The following EXOC6B variants were observed in gnomAD, a reference collection of about 807,000 sequenced individuals.
EXOC6B encodes exocyst complex component 6B, also known as SEC15 homolog B.
A neutral mutation model predicts 113.5 loss-of-function variants in EXOC6B; 54 were observed. The ratio of observed to expected loss-of-function variants is 0.48; its 90% CI spans 0.38 to 0.60. EXOC6B has a LOEUF of 0.60. Ranked by LOEUF, EXOC6B falls within the 20% of genes least tolerant of loss-of-function variation. The probability of loss-of-function intolerance (pLI) is 0.00; values close to 1 mark genes in which losing one functional copy is unlikely to be tolerated. For missense variants in EXOC6B, 797 were observed against 977.5 expected (o/e 0.82, Z 2.46); for synonymous variants, 357 against 339.0 (o/e 1.05, Z -0.58).
At chr2:72,444,894 C>T (rs1327706562) in intron 18 of EXOC6B, among the ~76,000 whole-genome samples, 1 of 152,186 alleles carries the variant, frequency 6.6e-6, no homozygotes, top group Non-Finnish European at 1.5e-5. Context: ...AGACATTTTT[C>T]CCATTGTCTT....
chr2:72,538,205 C>G (rs1384316918), intron 8 of EXOC6B, among the ~76,000 whole-genome samples: 1 of 152,088 alleles, frequency 6.6e-6, no homozygotes, highest in Non-Finnish European at 1.5e-5. Flanking sequence ...TCAAGCAAGC[C>G]TCCTGCCTTT....
intron 19 of EXOC6B, among the ~76,000 whole-genome samples, chr2:72,360,375 A>T (rs1690236313): frequency 2.6e-5 from 4 of 152,198 alleles, no homozygotes; most frequent in Admixed American, 2.6e-4. Context: ...GGCATGAGCC[A>T]CTGCACCTGG....
chr2:72,392,687 A>G (rs1014102106), intron 18 of EXOC6B, among the ~76,000 whole-genome samples: 13 of 152,204 alleles, frequency 8.5e-5, no homozygotes, highest in Non-Finnish European at 7.3e-5. Context: ...GAGAGACTAG[A>G]TTATCTTATC....
chr2:72,403,204 T>C (rs1693466186), intron 18 of EXOC6B, among the ~76,000 whole-genome samples: 1 of 152,230 alleles, frequency 6.6e-6, no homozygotes, highest in South Asian at 2.1e-4. Flanking sequence ...TTAGACAGTC[T>C]ATTGTATGTC....
intron 18 of EXOC6B, among the ~76,000 whole-genome samples, chr2:72,418,175 T>C (rs936685238): frequency 6.6e-6 from 1 of 152,220 alleles, no homozygotes; most frequent in African/African-American, 2.4e-5. Context: ...AAATTTTAAA[T>C]TCATTTAAAA....
intron 20 of EXOC6B, among the ~76,000 whole-genome samples, chr2:72,326,039 C>T (rs531550984): frequency 2.0e-5 from 3 of 152,080 alleles, no homozygotes; most frequent in Non-Finnish European, 4.4e-5. Context: ...TGCCCTCCAC[C>T]GGCTACCAGT....
At chr2:72,664,099 G>A (rs1675217972) in intron 6 of EXOC6B, among the ~76,000 whole-genome samples, 2 of 152,084 alleles carry the variant, frequency 1.3e-5, no homozygotes, top group Non-Finnish European at 2.9e-5. Context: ...TTTGAACATA[G>A]CAGTTTGAGG....
At chr2:72,763,591 T>C (rs1682874278) in intron 1 of EXOC6B, among the ~76,000 whole-genome samples, 2 of 151,828 alleles carry the variant, frequency 1.3e-5, no homozygotes, top group Admixed American at 1.3e-4. Flanking sequence ...CCCGGGTAAT[T>C]TTTGTATTTT....
At chr2:72,407,696 G>A (rs1456840752) in intron 18 of EXOC6B, among the ~76,000 whole-genome samples, 1 of 152,126 alleles carries the variant, frequency 6.6e-6, no homozygotes, top group Non-Finnish European at 1.5e-5. Context: ...AATAAATTAG[G>A]TATTGATGGG....
intron 18 of EXOC6B, among the ~76,000 whole-genome samples, chr2:72,408,935 C>T (rs1229589930): frequency 6.6e-6 from 1 of 152,024 alleles, no homozygotes; most frequent in Non-Finnish European, 1.5e-5. Context: ...AGGCAACCTA[C>T]AAAATGGGAG....
rs367687655 is a variant in EXOC6B at position 72,717,129 on chromosome 2, C to T, written c.669+974G>A. On this transcript the variant is annotated intron_variant, in intron 6 of 21. Transcript: ENST00000272427. ...TGCACTTTGTGAAGTATAACACTGA[C>T]AAAATTTAAAGGAAGAAAAGGGAAA... 3.7e-4 allele frequency among the ~76,000 whole-genome samples: 57 copies of T among 152,042 alleles called. 1 individual carries two copies. The East Asian group carries it at 0.01, about 28-fold the overall frequency.
chr2:72,571,074 A>C (rs1385080123), intron 7 of EXOC6B, among the ~76,000 whole-genome samples: 1 of 152,202 alleles, frequency 6.6e-6, no homozygotes, highest in Non-Finnish European at 1.5e-5. Context: ...TTTTATCTTC[A>C]AATATCTCAA....
intron 5 of EXOC6B, 47 bp downstream of exon 5, chr2:72,730,959 AC>A: frequency 7.4e-7 from 1 of 1,357,212 alleles, no homozygotes; most frequent in Non-Finnish European, 1.0e-6. Flanking sequence ...ATTCTAAACA[AC>A]AGAAATTTTA....
intron 1 of EXOC6B, among the ~76,000 whole-genome samples, chr2:72,816,010 T>A (rs1206351227): frequency 6.6e-6 from 1 of 151,990 alleles, no homozygotes; most frequent in Non-Finnish European, 1.5e-5. Flanking sequence ...ACTACAAAAA[T>A]CAGCCGGGCG....
At chr2:72,660,944 T>C (rs1022950542) in intron 6 of EXOC6B, among the ~76,000 whole-genome samples, 1 of 151,952 alleles carries the variant, frequency 6.6e-6, no homozygotes, top group African/African-American at 2.4e-5. Context: ...AAGGAACACC[T>C]AATGCACAGA....
At chr2:72,686,679 C>T (rs1290907062) in intron 6 of EXOC6B, among the ~76,000 whole-genome samples, 2 of 152,156 alleles carry the variant, frequency 1.3e-5, no homozygotes, top group East Asian at 3.8e-4. Context: ...AAGACTTGAA[C>T]TTCTCATGCA....
At chr2:72,524,810 C>T (rs1331931533) in intron 8 of EXOC6B, among the ~76,000 whole-genome samples, 3 of 152,074 alleles carry the variant, frequency 2.0e-5, no homozygotes, top group East Asian at 1.9e-4. Flanking sequence ...TGTCAAAACA[C>T]CTCACAAAAA....
chr2:72,213,948 G>A (rs978329482), intron 20 of EXOC6B, among the ~76,000 whole-genome samples: 3 of 152,068 alleles, frequency 2.0e-5, no homozygotes, highest in African/African-American at 4.8e-5. Flanking sequence ...ATAGCAGCCC[G>A]AATGGACTAA....
intron 6 of EXOC6B, among the ~76,000 whole-genome samples, chr2:72,650,091 A>G (rs896560690): frequency 6.6e-6 from 1 of 152,210 alleles, no homozygotes; most frequent in Admixed American, 6.5e-5. Flanking sequence ...CTCCTGTCAG[A>G]TCAATGCAGC....
Sources: gnomAD v4.1 joint callset for allele counts (sites outside exome capture counted in the v4.1 genomes callset) on GRCh38, gnomAD v4.1.1 for gene constraint, MANE v1.5 for transcripts, NCBI Gene and HGNC (gene_info 2026-07-23, HGNC 2026-07-21) for gene names.